The following RANBP2 variants were observed in gnomAD, a reference collection of about 807,000 sequenced individuals.
The protein encoded by RANBP2 is E3 SUMO-protein ligase RanBP2.
RANBP2 carries 57 observed loss-of-function variants against 303.6 expected under a neutral mutation model. The observed-to-expected ratio is 0.19, with a 90% CI of 0.15 to 0.23. The LOEUF is 0.23. RANBP2 is among the 10% of genes least tolerant of loss of function. The pLI, the probability that RANBP2 is intolerant of heterozygous loss-of-function variation, is 1.00. For missense variants in RANBP2, 3,138 were observed against 3,780.8 expected (o/e 0.83, Z 4.46); for synonymous variants, 1,167 against 1,301.5 (o/e 0.90, Z 2.23).
At chr2:109,511,874 C>T in the RANBP2 span, among the ~76,000 whole-genome samples, 2 of 152,208 alleles carry the variant, frequency 1.3e-5, no homozygotes, top group South Asian at 2.1e-4. Context: ...CCCAGGAGGC[C>T]GAGGTGGGGG....
the RANBP2 span, among the ~76,000 whole-genome samples, chr2:109,458,049 A>G: frequency 6.6e-6 from 1 of 152,184 alleles, no homozygotes; most frequent in Non-Finnish European, 1.5e-5. Context: ...CACTCAGGCC[A>G]TGTGGTGCAG....
the RANBP2 span, among the ~76,000 whole-genome samples, chr2:109,650,665 C>T: frequency 2.6e-5 from 4 of 152,120 alleles, no homozygotes; most frequent in East Asian, 1.9e-4. Context: ...GAGCTTCCTC[C>T]GTGCTGTTCT....
At chr2:109,590,482 A>T in the RANBP2 span, among the ~76,000 whole-genome samples, 1 of 151,286 alleles carries the variant, frequency 6.6e-6, no homozygotes, top group Admixed American at 6.6e-5. Context: ...CCCAGGCTAG[A>T]GTGCAATGAT....
chr2:109,050,398 C>T, the RANBP2 span, among the ~76,000 whole-genome samples: 7 of 151,446 alleles, frequency 4.6e-5, no homozygotes, highest in Admixed American at 6.6e-5. Flanking sequence ...GGATCACAGG[C>T]GCAAGCCACC....
the RANBP2 span, among the ~76,000 whole-genome samples, chr2:109,327,133 C>A: frequency 1.3e-5 from 2 of 152,132 alleles, no homozygotes; most frequent in South Asian, 4.1e-4. Context: ...AAAATCATTT[C>A]CTACCCTGGA....
the RANBP2 span, among the ~76,000 whole-genome samples, chr2:109,271,906 AC>A: frequency 6.6e-6 from 1 of 152,252 alleles, no homozygotes; most frequent in African/African-American, 2.4e-5. Flanking sequence ...TCTAACCGCT[AC>A]GCACACACAC....
chr2:109,593,899 T>C, the RANBP2 span, among the ~76,000 whole-genome samples: 1 of 152,238 alleles, frequency 6.6e-6, no homozygotes, highest in Non-Finnish European at 1.5e-5. Flanking sequence ...TACACGTCCA[T>C]ATCACTATGC....
At chr2:108,917,996 G>A in the RANBP2 span, among the ~76,000 whole-genome samples, 29 of 152,212 alleles carry the variant, frequency 1.9e-4, no homozygotes, top group Admixed American at 1.8e-3. Flanking sequence ...ATCCATCCCA[G>A]AATCATACAA....
At chr2:109,055,759 ATTTT>A in the RANBP2 span, among the ~76,000 whole-genome samples, 78 of 105,196 alleles carry the variant, frequency 7.4e-4, 1 homozygote, top group East Asian at 2.9e-3. Flanking sequence ...CAGCTCTAAC[ATTTT>A]TTTTTTTTTT....
At chr2:109,600,211 C>T in the RANBP2 span, among the ~76,000 whole-genome samples, 1 of 152,172 alleles carries the variant, frequency 6.6e-6, no homozygotes, top group Non-Finnish European at 1.5e-5. Context: ...CCCTTCTTTC[C>T]TTGCACGGCT....
the RANBP2 span, among the ~76,000 whole-genome samples, chr2:109,194,310 C>G: frequency 2.2e-3 from 333 of 152,346 alleles, 1 homozygote; most frequent in African/African-American, 7.4e-3. Flanking sequence ...AGGGGACTTT[C>G]GAAAGCTTGG....
chr2:108,994,159 T>C, the RANBP2 span, among the ~76,000 whole-genome samples: 3 of 152,158 alleles, frequency 2.0e-5, no homozygotes, highest in Non-Finnish European at 4.4e-5. Context: ...ATGGACACCT[T>C]ATTAAAAATG....
chr2:108,928,425 C>T, the RANBP2 span, among the ~76,000 whole-genome samples: 24 of 152,152 alleles, frequency 1.6e-4, no homozygotes, highest in Admixed American at 1.6e-3. Context: ...TCACCTCCCC[C>T]GTCCCCACTG....
In RANBP2 at chr2:108,758,470, C is replaced by T. The variant is rs752635173; in HGVS notation, c.2524C>T (p.Pro842Ser). 4 of 1,611,566 alleles carry T rather than the reference C, an allele frequency of 2.5e-6. No individual in the cohort carries two copies. Among genetic ancestry groups the T allele is most frequent in the Admixed American group, 1.7e-5 (1 of 59,970 alleles). ...SSNSASPHRW[P>S]TENYGPDSVP... ...TAACTCAGCATCCCCTCATCGTTGGCCCACAGAGAATTATGGACCAGACTC... is the reference window on the plus strand; with the variant it reads ...TAACTCAGCATCCCCTCATCGTTGGTCCACAGAGAATTATGGACCAGACTC... Residue 842 changes from proline (P) to serine (S), a missense_variant, in exon 18 of 29, where the codon CCC (proline) becomes TCC (serine). Coordinates refer to ENST00000283195, the MANE Select transcript of RANBP2 (RefSeq NM_006267.5).
chr2:108,830,544 C>T, the RANBP2 span, among the ~76,000 whole-genome samples: 3 of 152,178 alleles, frequency 2.0e-5, no homozygotes, highest in African/African-American at 4.8e-5. Context: ...GCATGGCTCA[C>T]GCCTGTAATC....
chr2:109,173,931 T>G, the RANBP2 span, among the ~76,000 whole-genome samples: 1 of 152,256 alleles, frequency 6.6e-6, no homozygotes, highest in South Asian at 2.1e-4. Flanking sequence ...CCAATTCTTA[T>G]GCCCTTTAAA....
At chr2:108,782,015 A>G in intron 26 of RANBP2, 113 bp from the exon 27 acceptor site, 1 of 1,255,150 alleles carries the variant, frequency 8.0e-7, no homozygotes, top group East Asian at 2.4e-5. Context: ...TCACATTAAC[A>G]AATTCTCTTT....
chr2:109,614,825 C>T, the RANBP2 span: 5 of 1,433,120 alleles, frequency 3.5e-6, no homozygotes, highest in Non-Finnish European at 4.5e-6. Flanking sequence ...CTGCCGGGCC[C>T]GAGGCGCGCG....
chr2:108,886,749 T>A, the RANBP2 span, among the ~76,000 whole-genome samples: 3 of 150,120 alleles, frequency 2.0e-5, no homozygotes, highest in East Asian at 2.0e-4. Flanking sequence ...AAAAAAAAAA[T>A]TTAACTGTGG....
Sources: gnomAD v4.1 joint callset for allele counts (sites outside exome capture counted in the v4.1 genomes callset) on GRCh38, gnomAD v4.1.1 for gene constraint, MANE v1.5 for transcripts, NCBI Gene and HGNC (gene_info 2026-07-23, HGNC 2026-07-21) for gene names.